PEX7: variants seen among roughly 807,000 people sequenced by gnomAD.
The protein encoded by PEX7 is peroxisomal biogenesis factor 7, also known as PTS2 receptor.
Under a neutral mutation model 47.5 loss-of-function variants are expected in PEX7, and 34 were observed. The observed-to-expected ratio is 0.72, with a 90% CI of 0.54 to 0.95. The LOEUF (loss-of-function observed/expected upper bound fraction) is 0.95. Among genes scored for constraint, PEX7 ranks in the 40% least tolerant of loss-of-function variants. The probability of loss-of-function intolerance (pLI) is 0.00; values close to 1 mark genes in which losing one functional copy is unlikely to be tolerated. For synonymous variants in PEX7, 141 were observed against 148.8 expected, an observed-to-expected ratio of 0.95 and a Z score of 0.38; for missense variants, 394 against 400.3, an observed-to-expected ratio of 0.98 and a Z score of 0.13.
intron 8 of PEX7, among the ~76,000 whole-genome samples, chr6:136,890,915 T>G (rs1775542220): frequency 6.6e-6 from 1 of 152,238 alleles, no homozygotes; most frequent in Non-Finnish European, 1.5e-5. Context: ...CAGACTATTC[T>G]TATCCTTAAG....
intron 5 of PEX7, among the ~76,000 whole-genome samples, chr6:136,860,555 A>G (rs961306572): frequency 2.6e-5 from 4 of 151,590 alleles, no homozygotes; most frequent in Admixed American, 2.0e-4. Context: ...ATTAGGAGAT[A>G]TACCTAATGT....
At chr6:136,861,411 A>G (rs1244578552) in intron 5 of PEX7, among the ~76,000 whole-genome samples, 1 of 152,034 alleles carries the variant, frequency 6.6e-6, no homozygotes, top group East Asian at 1.9e-4. Flanking sequence ...CAGTTCACAT[A>G]CTCATATCTT....
At chr6:136,913,306 T>C (rs760543704) in intron 9 of PEX7, 152 bp from the exon 10 acceptor site, 2 of 651,974 alleles carry the variant, frequency 3.1e-6, no homozygotes, top group Non-Finnish European at 5.5e-6. Context: ...TATGGACCTT[T>C]TATCAAAAAC....
chr6:136,897,400 G>A (rs1775670465), intron 8 of PEX7, among the ~76,000 whole-genome samples: 1 of 152,208 alleles, frequency 6.6e-6, no homozygotes, highest in African/African-American at 2.4e-5. Context: ...ACCATGTTAT[G>A]TATTGAAAAC....
chr6:136,880,124 A>AT lies in PEX7; in HGVS notation c.803+7882dup, dbSNP rs543829813. Among the ~76,000 whole-genome samples, 218 of 139,456 alleles carry AT rather than the reference A, an allele frequency of 1.6e-3. 2 individuals are homozygous for AT. In the South Asian group the frequency reaches 0.029, roughly 19 times the overall value. The allele number at this position is 139,456 out of a possible 152,430, so 91.5% of individuals were successfully genotyped here. A position where few individuals can be genotyped will look rare whatever the true frequency, so the allele number is the denominator to read the frequency against. On this transcript the variant is annotated intron_variant, in intron 8 of 9. Coordinates refer to ENST00000318471, the MANE Select transcript of PEX7 (RefSeq NM_000288.4). ...ATATGTTACGGTTTTCTACTTCACT[A>AT]TTTTTTTTTTTGAGGGAAGCTTTTG...
At chr6:136,827,894 G>A (rs1479202882) in intron 3 of PEX7, among the ~76,000 whole-genome samples, 1 of 151,918 alleles carries the variant, frequency 6.6e-6, no homozygotes, top group Non-Finnish European at 1.5e-5. Context: ...GTTTCGCTAT[G>A]TTGCCCAGGC....
intron 3 of PEX7, among the ~76,000 whole-genome samples, chr6:136,843,161 G>A (rs1007302788): frequency 6.6e-6 from 1 of 152,146 alleles, no homozygotes; most frequent in Non-Finnish European, 1.5e-5. Context: ...GGCTGCCCAC[G>A]TTCAGATTTC....
intron 5 of PEX7, among the ~76,000 whole-genome samples, chr6:136,849,346 A>G (rs1329129918): frequency 1.3e-5 from 2 of 151,566 alleles, no homozygotes; most frequent in African/African-American, 2.4e-5. Context: ...TTGTGTCTCT[A>G]TCTCCTTCAG....
rs554291796 is a variant in PEX7, at chr6:136,826,241, A to G, written c.189-78A>G. 39 of 1,493,932 alleles carry G rather than the reference A, an allele frequency of 2.6e-5. No homozygotes were observed. In the African/African-American group the frequency reaches 3.3e-4, roughly 13 times the overall value. The allele number at this position is 1,493,932 out of a possible 1,614,324, so 92.5% of individuals were successfully genotyped here. A position where few individuals can be genotyped will look rare whatever the true frequency, so the allele number is the denominator to read the frequency against. ...GTGATAAATTGAAAGAAAAAAAACC[A>G]TAATTGTTATTTTTTTTGTTGTGTA... is the stretch of plus-strand genomic sequence containing the variant. On this transcript the variant is annotated intron_variant, in intron 2 of 9. Coordinates refer to ENST00000318471, the MANE Select transcript of PEX7 (RefSeq NM_000288.4).
chr6:136,886,814 A>C (rs1324058159), intron 8 of PEX7, among the ~76,000 whole-genome samples: 1 of 152,168 alleles, frequency 6.6e-6, no homozygotes, highest in Non-Finnish European at 1.5e-5. Flanking sequence ...GCACTTTGGG[A>C]GGCCAAGGCG....
intron 8 of PEX7, among the ~76,000 whole-genome samples, chr6:136,891,469 T>G (rs1258791516): frequency 6.6e-6 from 1 of 152,198 alleles, no homozygotes; most frequent in East Asian, 1.9e-4. Flanking sequence ...TGATCATGTA[T>G]TCTTCATTTA....
intron 6 of PEX7, among the ~76,000 whole-genome samples, chr6:136,867,082 G>T (rs1359862703): frequency 6.6e-6 from 1 of 152,082 alleles, no homozygotes; most frequent in Non-Finnish European, 1.5e-5. Context: ...TGCTAGTCAG[G>T]CTGTTGAACT....
chr6:136,870,659 AT>A (rs1286738364), intron 7 of PEX7: 3 of 283,076 alleles, frequency 1.1e-5, no homozygotes, highest in African/African-American at 4.7e-5. Flanking sequence ...TACCTTATTG[AT>A]TATTTTAATA....
At chr6:136,892,191 C>T (rs1775567677) in intron 8 of PEX7, among the ~76,000 whole-genome samples, 2 of 152,114 alleles carry the variant, frequency 1.3e-5, no homozygotes, top group African/African-American at 4.8e-5. Context: ...CTCATAATTT[C>T]CTTAGGATTT....
intron 8 of PEX7, among the ~76,000 whole-genome samples, chr6:136,881,423 T>C (rs1034376322): frequency 2.0e-5 from 3 of 152,192 alleles, no homozygotes; most frequent in Admixed American, 6.5e-5. Context: ...TCGAACACCT[T>C]TCTGGCATTT....
At chr6:136,898,985 T>A (rs1775702562) in intron 9 of PEX7, among the ~76,000 whole-genome samples, 1 of 151,940 alleles carries the variant, frequency 6.6e-6, no homozygotes, top group African/African-American at 2.4e-5. Flanking sequence ...TGTGCTTTTA[T>A]GATAACTCTC....
intron 9 of PEX7, among the ~76,000 whole-genome samples, chr6:136,902,833 C>T (rs1346743976): frequency 6.6e-6 from 1 of 152,080 alleles, no homozygotes; most frequent in East Asian, 1.9e-4. Context: ...TACAAGTTTA[C>T]ATATCTTTAT....
intron 9 of PEX7, 74 bp from the exon 10 acceptor site, chr6:136,913,383 CT>C: frequency 1.0e-6 from 1 of 970,258 alleles, no homozygotes; most frequent in Non-Finnish European, 1.7e-6. Flanking sequence ...CTCTAAATGA[CT>C]TGAGTTTTTG....
chr6:136,894,862 A>G (rs572204405), intron 8 of PEX7, among the ~76,000 whole-genome samples: 2 of 152,380 alleles, frequency 1.3e-5, no homozygotes, highest in South Asian at 4.1e-4. Flanking sequence ...CAAGTAGTAT[A>G]TATGCTGGAT....
Sources: allele counts gnomAD v4.1 joint callset (sites outside exome capture counted in the v4.1 genomes callset), GRCh38; gene constraint gnomAD v4.1.1; transcripts MANE v1.5; gene names NCBI Gene and HGNC (gene_info 2026-07-23, HGNC 2026-07-21).